The following FOXN3 variants were observed in gnomAD, a reference collection of about 807,000 sequenced individuals.
FOXN3 encodes the protein forkhead box protein N3.
Under a neutral mutation model 38.4 loss-of-function variants are expected in FOXN3, and 7 were observed. The observed-to-expected ratio is 0.18, with a 90% CI of 0.10 to 0.34. The LOEUF is 0.34. Ranked by LOEUF, FOXN3 falls within the 10% of genes least tolerant of loss-of-function variation. FOXN3 has a pLI of 1.00. For missense variants in FOXN3, 456 were observed against 613.4 expected (o/e 0.74, Z 2.71); for synonymous variants, 230 against 242.2 (o/e 0.95, Z 0.47).
chr14:89,177,728 G>A (rs190308342), intron 5 of FOXN3, among the ~76,000 whole-genome samples: 112 of 152,184 alleles, frequency 7.4e-4, no homozygotes, highest in African/African-American at 2.4e-3. Flanking sequence ...ATTCATTCTC[G>A]GAGGTGCCAA....
chr14:89,267,326 AAGTTGGCC>A (rs1441776708), intron 4 of FOXN3, among the ~76,000 whole-genome samples: 2 of 152,158 alleles, frequency 1.3e-5, no homozygotes, highest in East Asian at 3.9e-4. Flanking sequence ...TACAATGCGC[AAGTTGGCC>A]AGGATCCCTG....
intron 3 of FOXN3, among the ~76,000 whole-genome samples, chr14:89,316,655 C>T (rs543968567): frequency 1.3e-5 from 2 of 150,040 alleles, no homozygotes; most frequent in Non-Finnish European, 2.9e-5. Context: ...GCCACTGCGC[C>T]CAGCCTATGA....
chr14:89,405,496 A>G (rs758685306), intron 2 of FOXN3, among the ~76,000 whole-genome samples: 7 of 152,094 alleles, frequency 4.6e-5, no homozygotes, highest in Non-Finnish European at 1.0e-4. Context: ...GCAAACGTGA[A>G]GAGAACAGCA....
At chr14:89,275,757 C>T (rs534129170) in intron 4 of FOXN3, among the ~76,000 whole-genome samples, 1 of 152,206 alleles carries the variant, frequency 6.6e-6, no homozygotes, top group Non-Finnish European at 1.5e-5. Flanking sequence ...CAAAGCAAGT[C>T]ATCTAACCAT....
chr14:89,502,332 T>C (rs750680964), intron 1 of FOXN3, among the ~76,000 whole-genome samples: 12 of 151,988 alleles, frequency 7.9e-5, no homozygotes, highest in Non-Finnish European at 1.3e-4. Flanking sequence ...AGGACCGGGG[T>C]CTTCAATTAT....
At chr14:89,329,401 G>A (rs1888172149) in intron 3 of FOXN3, among the ~76,000 whole-genome samples, 1 of 152,170 alleles carries the variant, frequency 6.6e-6, no homozygotes, top group African/African-American at 2.4e-5. Context: ...GTCCTCAACT[G>A]GGGTTGGTTT....
intron 4 of FOXN3, among the ~76,000 whole-genome samples, chr14:89,275,588 A>G (rs1299374301): frequency 6.6e-6 from 1 of 152,198 alleles, no homozygotes; most frequent in African/African-American, 2.4e-5. Context: ...CATGGCATGA[A>G]AGACAACCAA....
At chr14:89,604,231 ACACACACACGTGCGCG>A (rs1418363564) in intron 1 of FOXN3, among the ~76,000 whole-genome samples, 12 of 147,144 alleles carry the variant, frequency 8.2e-5, no homozygotes, top group Admixed American at 4.8e-4. Flanking sequence ...ACACACACAC[ACACACACACGTGCGCG>A]CACACACACG....
At chr14:89,280,903 G>C in intron 4 of FOXN3, 47 bp downstream of exon 4, 1 of 1,517,028 alleles carries the variant, frequency 6.6e-7, no homozygotes, top group Non-Finnish European at 9.1e-7. Context: ...GATGAAAGGC[G>C]GGTGGGTGAG....
Position 89,315,232 on chromosome 14 carries a change from C to G in FOXN3, c.681-34218G>C, listed in dbSNP as rs902443358. ...CATTCTAGACTCTAAATCCAAACACCTTTCTGATCTTAAAATCATTTCCTG... is the reference window on the plus strand; with the variant it reads ...CATTCTAGACTCTAAATCCAAACACGTTTCTGATCTTAAAATCATTTCCTG... On this transcript the variant is annotated intron_variant, in intron 3 of 5. Coordinates refer to ENST00000557258, the MANE Select transcript of FOXN3 (RefSeq NM_005197.4). Among the ~76,000 whole-genome samples, 4 of 151,810 alleles carry G rather than the reference C, an allele frequency of 2.6e-5. No homozygotes were observed. The South Asian group carries it at 6.2e-4, about 24-fold the overall frequency.
chr14:89,592,596 C>T (rs1197058819), intron 1 of FOXN3, among the ~76,000 whole-genome samples: 2 of 152,172 alleles, frequency 1.3e-5, no homozygotes, highest in Non-Finnish European at 2.9e-5. Flanking sequence ...CTTTGAAATA[C>T]TGAGGAAAAC....
At chr14:89,553,077 A>G (rs1205695740) in intron 1 of FOXN3, among the ~76,000 whole-genome samples, 1 of 151,864 alleles carries the variant, frequency 6.6e-6, no homozygotes, top group Admixed American at 6.6e-5. Context: ...CGTCTCTACA[A>G]AAAATACAAA....
rs534119405 is a variant in FOXN3 at position 89,230,822 on chromosome 14, C to T, written c.746-50016G>A. 1.1e-4 allele frequency: 48 copies of T among 454,936 alleles called. 1 individual carries two copies. Among genetic ancestry groups the T allele is most frequent in the South Asian group, 6.4e-4 (41 of 64,458 alleles). The allele number at this position is 454,936 out of a possible 1,614,324, so 28.2% of individuals were successfully genotyped here. A position where few individuals can be genotyped will look rare whatever the true frequency, so the allele number is the denominator to read the frequency against. ...GCTTTAAATTCTGTAACCCTCCTTA[C>T]AGTGTTCAGCCTTGTTTCTCAATGG... On this transcript the variant is annotated intron_variant, in intron 4 of 5. Transcript: ENST00000557258.
chr14:89,561,834 T>C (rs1895255597), intron 1 of FOXN3, among the ~76,000 whole-genome samples: 1 of 152,208 alleles, frequency 6.6e-6, no homozygotes, highest in African/African-American at 2.4e-5. Flanking sequence ...ACCAGAAAAC[T>C]ACTCCTAAAT....
At chr14:89,513,850 C>T (rs1596304240) in intron 1 of FOXN3, among the ~76,000 whole-genome samples, 1 of 152,148 alleles carries the variant, frequency 6.6e-6, no homozygotes. Flanking sequence ...TCTCAAAACC[C>T]TATCCACTGT....
chr14:89,325,546 T>A (rs1439025531), intron 3 of FOXN3, among the ~76,000 whole-genome samples: 1 of 152,172 alleles, frequency 6.6e-6, no homozygotes, highest in Non-Finnish European at 1.5e-5. Context: ...AGAACCACCC[T>A]CTTTGTTAAA....
At chr14:89,549,950 G>A (rs927592304) in intron 1 of FOXN3, among the ~76,000 whole-genome samples, 1 of 152,186 alleles carries the variant, frequency 6.6e-6, no homozygotes, top group African/African-American at 2.4e-5. Flanking sequence ...TTTCTGGCAG[G>A]CCGGCTAATG....
chr14:89,421,528 A>AGATTTT (rs56659540), upstream of FOXN3, among the ~76,000 whole-genome samples: 15 of 144,732 alleles, frequency 1.0e-4, no homozygotes, highest in East Asian at 2.1e-4. Context: ...ACCCAGGGAA[A>AGATTTT]TTTTTTTTTT....
chr14:89,265,746 A>AT (rs1403223012), intron 4 of FOXN3, among the ~76,000 whole-genome samples: 1 of 152,220 alleles, frequency 6.6e-6, no homozygotes. Flanking sequence ...CAGACTGCAG[A>AT]TCGTCCTACT....
Sources: gnomAD v4.1 joint callset for allele counts (sites outside exome capture counted in the v4.1 genomes callset) on GRCh38, gnomAD v4.1.1 for gene constraint, MANE v1.5 for transcripts, NCBI Gene and HGNC (gene_info 2026-07-23, HGNC 2026-07-21) for gene names.